The following PTPRT variants were observed in gnomAD, a reference collection of about 807,000 sequenced individuals.
The protein encoded by PTPRT is protein tyrosine phosphatase receptor type T.
Under a neutral mutation model 176.8 loss-of-function variants are expected in PTPRT, and 56 were observed. The ratio of observed to expected loss-of-function variants is 0.32; its 90% CI spans 0.26 to 0.40. PTPRT has a LOEUF of 0.40. PTPRT is among the 10% of genes least tolerant of loss of function. PTPRT has a pLI of 1.00. For synonymous variants in PTPRT, 783 were observed against 739.0 expected (o/e 1.06, Z -0.96); for missense variants, 1,540 against 1,908.2 (o/e 0.81, Z 3.60).
At chr20:42,796,291 T>C (rs961766317) in intron 2 of PTPRT, among the ~76,000 whole-genome samples, 2 of 152,216 alleles carry the variant, frequency 1.3e-5, no homozygotes, top group Non-Finnish European at 2.9e-5. Flanking sequence ...CCAGTAGACA[T>C]ACATGACTGG....
intron 5 of PTPRT, among the ~76,000 whole-genome samples, chr20:42,760,313 C>T (rs2076896525): frequency 2.0e-5 from 3 of 150,554 alleles, no homozygotes; most frequent in South Asian, 2.1e-4. Context: ...GTAAATTATA[C>T]GTTGGGTTTC....
intron 12 of PTPRT, among the ~76,000 whole-genome samples, chr20:42,290,332 A>C (rs560482468): frequency 6.6e-6 from 1 of 152,230 alleles, no homozygotes; most frequent in South Asian, 2.1e-4. Context: ...GCATGCAGGT[A>C]TAAATCACCC....
At chr20:42,761,376 G>A (rs547546760) in intron 5 of PTPRT, among the ~76,000 whole-genome samples, 1 of 152,072 alleles carries the variant, frequency 6.6e-6, no homozygotes, top group East Asian at 1.9e-4. Flanking sequence ...GGAGGTTGAG[G>A]TGAGCCAAGA....
At chr20:42,597,202 G>T (rs1351626473) in intron 7 of PTPRT, among the ~76,000 whole-genome samples, 1 of 152,024 alleles carries the variant, frequency 6.6e-6, no homozygotes, top group East Asian at 1.9e-4. Flanking sequence ...CAGGAAAGAG[G>T]GTCTCTGACT....
At chr20:42,839,716 G>A (rs1177743941) in intron 2 of PTPRT, among the ~76,000 whole-genome samples, 2 of 152,198 alleles carry the variant, frequency 1.3e-5, no homozygotes, top group African/African-American at 2.4e-5. Flanking sequence ...CTGGAGGGTC[G>A]TGAAAGCCAA....
intron 9 of PTPRT, among the ~76,000 whole-genome samples, chr20:42,385,535 AG>A (rs1299716732): frequency 6.6e-6 from 1 of 152,232 alleles, no homozygotes; most frequent in Admixed American, 6.5e-5. Flanking sequence ...CTGATATACA[AG>A]GCTGTACTTA....
intron 7 of PTPRT, among the ~76,000 whole-genome samples, chr20:42,476,180 G>C (rs561310470): frequency 6.6e-6 from 1 of 152,210 alleles, no homozygotes; most frequent in Non-Finnish European, 1.5e-5. Flanking sequence ...AGAGAGAATT[G>C]CCTTTCTTGG....
intron 18 of PTPRT, among the ~76,000 whole-genome samples, chr20:42,137,487 G>T (rs552765505): frequency 1.3e-5 from 2 of 152,252 alleles, no homozygotes; most frequent in Admixed American, 6.5e-5. Flanking sequence ...ACATGGATGT[G>T]ACTTGATGCA....
chr20:42,823,777 G>A lies in PTPRT; in HGVS notation c.215-32311C>T, dbSNP rs181768652. On this transcript the variant is annotated intron_variant, in intron 2 of 30. Coordinates refer to ENST00000373187, the MANE Select transcript of PTPRT (RefSeq NM_007050.6). The stretch of plus-strand genomic sequence containing the variant: ...AAAATTAAAAGGGAAGAAAGAGAAG[G>A]AAGAAGTTAGAAAGAAAGAAATTTT... 1.6e-3 allele frequency among the ~76,000 whole-genome samples: 244 copies of A among 151,922 alleles called. 1 individual carries two copies. The highest frequency in any genetic ancestry group is 2.2e-3 in the Non-Finnish European group (150 of 67,922).
chr20:42,656,516 A>T (rs1470586947), intron 7 of PTPRT, among the ~76,000 whole-genome samples: 2 of 152,220 alleles, frequency 1.3e-5, no homozygotes, highest in Non-Finnish European at 2.9e-5. Flanking sequence ...ATGTCAACTC[A>T]TAATAGCTAT....
At chr20:42,868,597 C>T (rs1280435237) in intron 2 of PTPRT, among the ~76,000 whole-genome samples, 1 of 152,036 alleles carries the variant, frequency 6.6e-6, no homozygotes, top group East Asian at 1.9e-4. Context: ...CCCAGCCTGG[C>T]CAGGACATAA....
chr20:42,971,922 T>C (rs1383633455), intron 1 of PTPRT, among the ~76,000 whole-genome samples: 1 of 152,002 alleles, frequency 6.6e-6, no homozygotes, highest in African/African-American at 2.4e-5. Flanking sequence ...GACAAGGCCT[T>C]TGCCTTTTGG....
At chr20:42,937,072 C>T (rs1001660174) in intron 1 of PTPRT, among the ~76,000 whole-genome samples, 5 of 152,174 alleles carry the variant, frequency 3.3e-5, no homozygotes, top group African/African-American at 9.7e-5. Context: ...CCCATCCCTG[C>T]GCAGTGGGAA....
chr20:42,698,980 A>G (rs1308709721), intron 6 of PTPRT, among the ~76,000 whole-genome samples: 2 of 152,238 alleles, frequency 1.3e-5, no homozygotes, highest in East Asian at 3.8e-4. Flanking sequence ...TTAACCCAAC[A>G]AACAACTAAC....
At chr20:42,446,064 A>C (rs2070726746) in intron 9 of PTPRT, among the ~76,000 whole-genome samples, 1 of 152,162 alleles carries the variant, frequency 6.6e-6, no homozygotes, top group Non-Finnish European at 1.5e-5. Flanking sequence ...TATTACTCTC[A>C]AGGATCCAAT....
chr20:42,568,973 G>A (rs1274372874), intron 7 of PTPRT, among the ~76,000 whole-genome samples: 3 of 140,606 alleles, frequency 2.1e-5, no homozygotes, highest in Admixed American at 7.3e-5. Flanking sequence ...GCTTGAACCC[G>A]GGAGGTGGAG....
chr20:43,111,646 G>T (rs1405300308), intron 1 of PTPRT, among the ~76,000 whole-genome samples: 1 of 150,030 alleles, frequency 6.7e-6, no homozygotes, highest in Non-Finnish European at 1.5e-5. Context: ...CTGTTTTAAA[G>T]AACAGAACTG....
At chr20:42,858,255 G>C (rs1298250616) in intron 2 of PTPRT, among the ~76,000 whole-genome samples, 1 of 152,210 alleles carries the variant, frequency 6.6e-6, no homozygotes, top group Admixed American at 6.5e-5. Context: ...TTGCAATGGA[G>C]GAGAGAAATT....
chr20:42,551,749 C>G (rs1281910776), intron 7 of PTPRT, among the ~76,000 whole-genome samples: 1 of 152,158 alleles, frequency 6.6e-6, no homozygotes, highest in Non-Finnish European at 1.5e-5. Context: ...CTGACTAGCC[C>G]TGCCTTCTGG....
Sources: gnomAD v4.1 joint callset for allele counts (sites outside exome capture counted in the v4.1 genomes callset) on GRCh38, gnomAD v4.1.1 for gene constraint, MANE v1.5 for transcripts, NCBI Gene and HGNC (gene_info 2026-07-23, HGNC 2026-07-21) for gene names.